PCDHGA3: variants seen among roughly 807,000 people sequenced by gnomAD.
The protein encoded by PCDHGA3 is protocadherin gamma subfamily A, 3.
In PCDHGA3, 40 loss-of-function variants were observed where a neutral mutation model predicts 58.5. The ratio of observed to expected loss-of-function variants is 0.68; its 90% CI spans 0.53 to 0.89. The LOEUF is 0.89. PCDHGA3 is among the 40% of genes least tolerant of loss of function. The pLI is 0.00. For synonymous variants in PCDHGA3, 530 were observed against 525.7 expected, an observed-to-expected ratio of 1.01 and a Z score of -0.11; for missense variants, 1,223 against 1,195.9, an observed-to-expected ratio of 1.02 and a Z score of -0.33.
chr5:141,345,531 C>G lies in PCDHGA3; in HGVS notation c.1498C>G (p.Pro500Ala), dbSNP rs535264828. ...GACCGAGGACACTCTCCAGGGGGCG[C>G]CCCTGTCCTCCTTCGTCTCTATCAA... Reference protein sequence around the residue: ...ALTEDTLQGAPLSSFVSINSN... With the variant: ...ALTEDTLQGAALSSFVSINSN... The change falls in exon 1 of 4, where the codon CCC becomes GCC. Residue 500 changes from proline (P) to alanine (A), a missense_variant. Physicochemically the swap from Pro to Ala is conservative, Grantham distance 27 (BLOSUM62 -1). Transcript: ENST00000253812. 112 of 1,614,174 alleles carry G rather than the reference C, an allele frequency of 6.9e-5. 1 individual carries two copies. The highest frequency in any genetic ancestry group is 3.8e-4 in the South Asian group (35 of 91,086).
chr5:141,369,665 A>T (rs1322092427), intron 1 of PCDHGA3, among the ~76,000 whole-genome samples: 1 of 152,242 alleles, frequency 6.6e-6, no homozygotes, highest in Non-Finnish European at 1.5e-5. Context: ...AAGATAAAAG[A>T]GAAGAAAGTG....
chr5:141,436,842 T>G (rs986680968), intron 1 of PCDHGA3, among the ~76,000 whole-genome samples: 3 of 152,376 alleles, frequency 2.0e-5, no homozygotes, highest in African/African-American at 7.2e-5. Flanking sequence ...CCTAGGCACA[T>G]TCTTGATTGA....
Position 141,490,685 on chromosome 5 carries a change from A to G in PCDHGA3, c.2425-4122A>G, listed in dbSNP as rs2099703028. On this transcript the variant is annotated intron_variant, in intron 1 of 3. Coordinates refer to ENST00000253812, the MANE Select transcript of PCDHGA3 (RefSeq NM_018916.4). The surrounding 1 kb of genome is among the most constrained non-coding windows in gnomAD (Gnocchi z 5.4). ...TGCACTGTGGCTGCCTCAGATCCAGACACTGGGGATAATGCCCGCCTCACC... is the reference window on the plus strand; with the variant it reads ...TGCACTGTGGCTGCCTCAGATCCAGGCACTGGGGATAATGCCCGCCTCACC... The G allele has an allele frequency of 1.9e-6, 3 of 1,614,030 alleles. No individual in the cohort carries two copies. Among genetic ancestry groups the G allele is most frequent in the South Asian group, 2.2e-5 (2 of 91,082 alleles).
chr5:141,352,024 G>A lies in PCDHGA3; in HGVS notation c.2424+5567G>A, dbSNP rs756674357. ...CCGGCTACCTGGTGACCAAGGTGGT[G>A]GCGGTGGACGCAGACTCAGGACACA... On this transcript the variant is annotated intron_variant, in intron 1 of 3. Coordinates refer to ENST00000253812, the MANE Select transcript of PCDHGA3 (RefSeq NM_018916.4). 7.5e-6 allele frequency: 12 copies of A among 1,609,274 alleles called. No individual in the cohort carries two copies. The Admixed American group carries it at 1.5e-4, about 20-fold the overall frequency.
chr5:141,398,313 G>T lies in PCDHGA3; in HGVS notation c.2424+51856G>T, dbSNP rs1270917645. The T allele has an allele frequency of 6.6e-6, 9 of 1,358,982 alleles. No individual in the cohort carries two copies. The South Asian group carries it at 1.1e-4, about 16-fold the overall frequency. 84.2% of individuals were successfully genotyped at this position (1,358,982 alleles called of 1,614,324 possible). A position where few individuals can be genotyped will look rare whatever the true frequency, so the allele number is the denominator to read the frequency against. ...TGGGGTTCAGCGTCCAGGAGTTACC[G>T]ACTCGAAAACTGCGCGTCAGTTCGG... On this transcript the variant is annotated intron_variant, in intron 1 of 3. Transcript: ENST00000253812.
chr5:141,433,367 C>CTATA, intron 1 of PCDHGA3: 2 of 549,818 alleles, frequency 3.6e-6, no homozygotes, highest in South Asian at 4.5e-5. Flanking sequence ...GCCTATCTAT[C>CTATA]TATCTATCTA....
chr5:141,352,276 C>T lies in PCDHGA3; in HGVS notation c.2424+5819C>T, dbSNP rs753441011. 3.2e-5 allele frequency: 51 copies of T among 1,614,086 alleles called. 1 individual carries two copies. In the South Asian group the frequency reaches 4.8e-4, roughly 15 times the overall value. On this transcript the variant is annotated intron_variant, in intron 1 of 3. Transcript: ENST00000253812. ...TGCAAGAGGTATTGCCAGACCTCAG[C>T]GACCGCCCTGAGCCCTCTGACCCCC...
In PCDHGA3 at chr5:141,477,097, G is replaced by A; in HGVS notation, c.2425-17710G>A. ...AGATTTACATCCAGGCCAAAGACAAGGGCGCCAATCCCGAAGGAGCACATT... is the reference window on the plus strand; with the variant it reads ...AGATTTACATCCAGGCCAAAGACAAAGGCGCCAATCCCGAAGGAGCACATT... On this transcript the variant is annotated intron_variant, in intron 1 of 3. Transcript: ENST00000253812. This position sits in a 1 kb window ranked among gnomAD's most constrained non-coding sequence, Gnocchi z 4.9. 1 of 1,614,242 alleles carries A rather than the reference G, an allele frequency of 6.2e-7. No homozygotes were observed. Among genetic ancestry groups the A allele is most frequent in the South Asian group, 1.1e-5 (1 of 91,088 alleles).
chr5:141,366,064 G>C (rs761173450), intron 1 of PCDHGA3: 2 of 1,614,106 alleles, frequency 1.2e-6, no homozygotes, highest in Non-Finnish European at 1.7e-6. Flanking sequence ...TGGAGCTGGC[G>C]CCTCGCTCCG....
chr5:141,437,355 A>C (rs2097877902), intron 1 of PCDHGA3, among the ~76,000 whole-genome samples: 1 of 152,238 alleles, frequency 6.6e-6, no homozygotes, highest in Non-Finnish European at 1.5e-5. Flanking sequence ...ATAGTACCTA[A>C]AATTGGAATG....
intron 1 of PCDHGA3, chr5:141,375,952 G>T (rs1032808913): frequency 1.2e-6 from 2 of 1,613,514 alleles, no homozygotes; most frequent in Non-Finnish European, 1.7e-6. Flanking sequence ...GCCTGCACAC[G>T]GGCGAGGTGC....
At chr5:141,354,581 G>C (rs1168490424) in intron 1 of PCDHGA3, among the ~76,000 whole-genome samples, 1 of 152,104 alleles carries the variant, frequency 6.6e-6, no homozygotes, top group Non-Finnish European at 1.5e-5. Context: ...GCATAAATTG[G>C]GACTAAAGCC....
In PCDHGA3 at chr5:141,417,959, C is replaced by T. The variant is rs759279387; in HGVS notation, c.2424+71502C>T. 7.4e-6 allele frequency: 12 copies of T among 1,613,616 alleles called. No homozygotes were observed. The highest frequency in any genetic ancestry group is 4.0e-5 in the African/African-American group (3 of 74,932). On this transcript the variant is annotated intron_variant, in intron 1 of 3. Coordinates refer to ENST00000253812, the MANE Select transcript of PCDHGA3 (RefSeq NM_018916.4). The stretch of plus-strand genomic sequence containing the variant: ...CTACCCCACGCTGTGTGAGCCGATC[C>T]GCTACTCGATTCCGGAGGAGCTGGC...
chr5:141,416,223 A>AT, intron 1 of PCDHGA3: 1 of 152,302 alleles, frequency 6.6e-6, no homozygotes, highest in East Asian at 1.9e-4. Flanking sequence ...GTATGCTTAG[A>AT]TTTTTCCAGC....
At chr5:141,382,720 T>A in intron 1 of PCDHGA3, 2 of 480,118 alleles carry the variant, frequency 4.2e-6, no homozygotes, top group South Asian at 6.2e-5. Flanking sequence ...AACCACCGAG[T>A]TTTACAGCAC....
Position 141,432,098 on chromosome 5 carries a change from G to A in PCDHGA3, c.2425-62709G>A. 1.2e-6 allele frequency: 2 copies of A among 1,614,056 alleles called. No homozygotes were observed. Among genetic ancestry groups the A allele is most frequent in the Non-Finnish European group, 1.7e-6 (2 of 1,180,002 alleles). ...CTCGCTGAACGTGGCAGACACCAAC[G>A]ACAACCCGCCGGTCTTCCCTCAGGC... On this transcript the variant is annotated intron_variant, in intron 1 of 3. Transcript: ENST00000253812. The surrounding 1 kb of genome is among the most constrained non-coding windows in gnomAD (Gnocchi z 6.0).
intron 1 of PCDHGA3, chr5:141,372,263 G>A: frequency 6.2e-7 from 1 of 1,613,110 alleles, no homozygotes; most frequent in Admixed American, 1.7e-5. Flanking sequence ...GCCTGCGCAC[G>A]GGTGAGGTGC....
chr5:141,360,308 T>C, intron 1 of PCDHGA3: 2 of 1,613,902 alleles, frequency 1.2e-6, no homozygotes, highest in Non-Finnish European at 1.7e-6. Context: ...GGGCTCAGCG[T>C]CCGGGACTTG....
At chr5:141,449,538 G>A (rs1445815017) in intron 1 of PCDHGA3, among the ~76,000 whole-genome samples, 15 of 145,960 alleles carry the variant, frequency 1.0e-4, no homozygotes, top group East Asian at 4.0e-4. Flanking sequence ...GCAGTGAGCC[G>A]AGATCGCACC....
Sources: gnomAD v4.1 joint callset for allele counts (sites outside exome capture counted in the v4.1 genomes callset) on GRCh38, gnomAD v4.1.1 for gene constraint, Gnocchi (gnomAD v3.1) non-coding constraint, MANE v1.5 for transcripts, NCBI Gene and HGNC (gene_info 2026-07-23, HGNC 2026-07-21) for gene names.